The following CACNA2D3 variants were observed in gnomAD, a reference collection of about 807,000 sequenced individuals.
CACNA2D3 encodes the protein voltage-dependent calcium channel subunit alpha-2/delta-3.
In CACNA2D3, 60 loss-of-function variants were observed where a neutral mutation model predicts 160.6. The ratio of observed to expected loss-of-function variants is 0.37; its 90% CI spans 0.30 to 0.46. The LOEUF is 0.46. Among genes scored for constraint, CACNA2D3 ranks in the 20% least tolerant of loss-of-function variants. CACNA2D3 has a pLI of 1.00. For missense variants in CACNA2D3, 1,205 were observed against 1,365.0 expected (o/e 0.88, Z 1.85); for synonymous variants, 558 against 492.9 (o/e 1.13, Z -1.75).
intron 3 of CACNA2D3, among the ~76,000 whole-genome samples, chr3:54,385,591 A>G (rs1452014691): frequency 1.3e-5 from 2 of 152,058 alleles, no homozygotes; most frequent in South Asian, 4.1e-4. Context: ...CTTTCTTTGT[A>G]TGTCCTGTGG....
chr3:54,805,339 A>G (rs1164701569), intron 13 of CACNA2D3, among the ~76,000 whole-genome samples: 1 of 152,236 alleles, frequency 6.6e-6, no homozygotes, highest in Admixed American at 6.5e-5. Flanking sequence ...AGAAGAATCA[A>G]ATAGACGCAA....
At chr3:54,340,495 A>G (rs542169807) in intron 3 of CACNA2D3, among the ~76,000 whole-genome samples, 27 of 152,224 alleles carry the variant, frequency 1.8e-4, no homozygotes, top group Non-Finnish European at 3.8e-4. Flanking sequence ...TTGAAAAGAA[A>G]TGAATATAAA....
chr3:54,871,435 C>T (rs1699532507), intron 17 of CACNA2D3, 104 bp from the exon 18 acceptor site: 2 of 832,146 alleles, frequency 2.4e-6, no homozygotes, highest in Admixed American at 4.3e-5. Flanking sequence ...CGGTCCACTC[C>T]CAAGCCCTGT....
At chr3:54,822,957 C>T (rs1324873268) in intron 14 of CACNA2D3, among the ~76,000 whole-genome samples, 3 of 151,576 alleles carry the variant, frequency 2.0e-5, no homozygotes, top group African/African-American at 4.8e-5. Context: ...TGGGTTCAAG[C>T]GATTCTCTTG....
At chr3:54,758,720 C>T (rs1702024266) in intron 12 of CACNA2D3, among the ~76,000 whole-genome samples, 1 of 152,184 alleles carries the variant, frequency 6.6e-6, no homozygotes, top group African/African-American at 2.4e-5. Flanking sequence ...TGCTAAATCT[C>T]ATTCTTACCT....
chr3:54,337,423 C>T (rs929848346), intron 3 of CACNA2D3, among the ~76,000 whole-genome samples: 3 of 152,224 alleles, frequency 2.0e-5, no homozygotes, highest in African/African-American at 7.2e-5. Flanking sequence ...CCAGATCCAT[C>T]AGTGACATTG....
intron 29 of CACNA2D3, among the ~76,000 whole-genome samples, chr3:54,975,723 T>A (rs1057412549): frequency 6.6e-6 from 1 of 152,016 alleles, no homozygotes; most frequent in East Asian, 1.9e-4. Context: ...TGGACATATT[T>A]TTTTCTTCCA....
intron 4 of CACNA2D3, among the ~76,000 whole-genome samples, chr3:54,390,409 G>A (rs537376352): frequency 2.0e-5 from 3 of 152,292 alleles, no homozygotes; most frequent in African/African-American, 7.2e-5. Flanking sequence ...TAAGTCTCTA[G>A]TTTTTGTTCT....
chr3:55,003,738 A>G (rs149861735), intron 31 of CACNA2D3, among the ~76,000 whole-genome samples: 1,805 of 152,300 alleles, frequency 0.012, 10 homozygotes, highest in Non-Finnish European at 0.019. Context: ...CCTGGGCTCT[A>G]GGTGTGGTGT....
intron 13 of CACNA2D3, among the ~76,000 whole-genome samples, chr3:54,797,485 C>T (rs1702889243): frequency 6.6e-6 from 1 of 152,124 alleles, no homozygotes; most frequent in Non-Finnish European, 1.5e-5. Flanking sequence ...TACGATTCAG[C>T]CATAAAAATC....
chr3:54,229,419 T>C (rs1420492231), intron 2 of CACNA2D3, among the ~76,000 whole-genome samples: 1 of 152,150 alleles, frequency 6.6e-6, no homozygotes, highest in Non-Finnish European at 1.5e-5. Context: ...GGTCTCAATC[T>C]CCTGACCTCG....
chr3:55,051,634 C>G (rs1487073838), intron 35 of CACNA2D3, among the ~76,000 whole-genome samples: 2 of 152,132 alleles, frequency 1.3e-5, no homozygotes, highest in East Asian at 3.9e-4. Context: ...GGGCTCCACC[C>G]AGTTCGAGCT....
chr3:54,229,252 C>T (rs866127411), intron 2 of CACNA2D3, among the ~76,000 whole-genome samples: 1 of 151,406 alleles, frequency 6.6e-6, no homozygotes, highest in Non-Finnish European at 1.5e-5. Context: ...AATGCAGTGG[C>T]GCTATCTTGG....
At chr3:54,257,731 A>G (rs1354105036) in intron 2 of CACNA2D3, among the ~76,000 whole-genome samples, 1 of 152,220 alleles carries the variant, frequency 6.6e-6, no homozygotes, top group Non-Finnish European at 1.5e-5. Context: ...TAAATGGGCA[A>G]AGGGCAGTGG....
chr3:54,722,649 G>A (rs1229537969), intron 11 of CACNA2D3, among the ~76,000 whole-genome samples: 3 of 152,118 alleles, frequency 2.0e-5, no homozygotes, highest in Non-Finnish European at 4.4e-5. Context: ...CAGTCAGGCC[G>A]CTCAGCTGCC....
chr3:54,134,239 G>A (rs1220566358), intron 2 of CACNA2D3, among the ~76,000 whole-genome samples: 1 of 152,126 alleles, frequency 6.6e-6, no homozygotes, highest in Non-Finnish European at 1.5e-5. Context: ...TGGGGTTCTG[G>A]GTTGTGTGAA....
intron 2 of CACNA2D3, among the ~76,000 whole-genome samples, chr3:54,144,592 T>G (rs760094186): frequency 9.9e-5 from 15 of 152,250 alleles, no homozygotes; most frequent in Non-Finnish European, 1.9e-4. Flanking sequence ...TTACTCTTCC[T>G]TATATAGGCA....
At chr3:54,436,762 C>T (rs1350624149) in intron 4 of CACNA2D3, among the ~76,000 whole-genome samples, 1 of 152,132 alleles carries the variant, frequency 6.6e-6, no homozygotes, top group Non-Finnish European at 1.5e-5. Context: ...GGCAACATCA[C>T]ACCCTGGGGC....
intron 2 of CACNA2D3, among the ~76,000 whole-genome samples, chr3:54,278,631 A>G (rs1445955585): frequency 3.3e-5 from 5 of 152,250 alleles, no homozygotes; most frequent in African/African-American, 9.6e-5. Flanking sequence ...TGGCACATAT[A>G]TACCATGGAA....
Sources: gnomAD v4.1 joint callset for allele counts (sites outside exome capture counted in the v4.1 genomes callset) on GRCh38, gnomAD v4.1.1 for gene constraint, MANE v1.5 for transcripts, NCBI Gene and HGNC (gene_info 2026-07-23, HGNC 2026-07-21) for gene names.